The following RANBP17 variants were observed in gnomAD, a reference collection of about 807,000 sequenced individuals.
RANBP17 encodes ran-binding protein 17.
In RANBP17, 158 loss-of-function variants were observed where a neutral mutation model predicts 141.2. The ratio of observed to expected loss-of-function variants is 1.12; its 90% CI spans 0.98 to 1.28. RANBP17 has a LOEUF of 1.28. RANBP17 is among the 50% of genes most tolerant of loss of function. The pLI is 0.00. For synonymous variants in RANBP17, 430 were observed against 450.0 expected, an observed-to-expected ratio of 0.96 and a Z score of 0.56; for missense variants, 1,438 against 1,290.7, an observed-to-expected ratio of 1.11 and a Z score of -1.75.
intron 19 of RANBP17, among the ~76,000 whole-genome samples, chr5:171,200,071 C>T (rs1762214449): frequency 6.6e-6 from 1 of 152,058 alleles, no homozygotes; most frequent in Non-Finnish European, 1.5e-5. Flanking sequence ...CTTTAAACAC[C>T]CCTATTCCCT....
intron 14 of RANBP17, among the ~76,000 whole-genome samples, chr5:171,132,946 C>T (rs1441966085): frequency 1.3e-5 from 2 of 151,770 alleles, no homozygotes; most frequent in East Asian, 1.9e-4. Context: ...AGTGCAGTGG[C>T]GCGATCTCAG....
At chr5:171,171,136 G>T (rs1011681178) in intron 15 of RANBP17, 70 bp from the exon 16 acceptor site, 17 of 779,050 alleles carry the variant, frequency 2.2e-5, no homozygotes, top group Non-Finnish European at 3.4e-5. Context: ...ATAAATTTAT[G>T]TGTATTCTCT....
chr5:171,161,055 G>A (rs1314858857), intron 14 of RANBP17, among the ~76,000 whole-genome samples: 3 of 152,166 alleles, frequency 2.0e-5, no homozygotes, highest in Admixed American at 1.3e-4. Flanking sequence ...GCCTCCTAAA[G>A]TGCTGGGATT....
At chr5:171,039,971 C>T (rs996058482) in intron 14 of RANBP17, among the ~76,000 whole-genome samples, 1 of 151,996 alleles carries the variant, frequency 6.6e-6, no homozygotes, top group African/African-American at 2.4e-5. Context: ...CAAACTCTAC[C>T]GAAACTATTC....
intron 24 of RANBP17, chr5:171,253,006 A>C: frequency 8.5e-6 from 10 of 1,176,446 alleles, no homozygotes; most frequent in South Asian, 4.9e-5. Context: ...CGTGATGAAG[A>C]GATACTTTCT....
At chr5:170,949,833 CTGAA>C (rs1162979968) in intron 12 of RANBP17, among the ~76,000 whole-genome samples, 1 of 152,032 alleles carries the variant, frequency 6.6e-6, no homozygotes, top group Non-Finnish European at 1.5e-5. Flanking sequence ...CTTCCATCAA[CTGAA>C]TGGGTAAATG....
At chr5:170,878,037 GT>G in intron 1 of RANBP17, 59 bp from the exon 2 acceptor site, 1 of 1,267,202 alleles carries the variant, frequency 7.9e-7, no homozygotes, top group East Asian at 2.4e-5. Flanking sequence ...GTTTTTTGTG[GT>G]TAAATATTTA....
intron 25 of RANBP17, among the ~76,000 whole-genome samples, chr5:171,285,507 C>G (rs1195633363): frequency 6.6e-6 from 1 of 152,174 alleles, no homozygotes; most frequent in Non-Finnish European, 1.5e-5. Flanking sequence ...GACAAGTAAT[C>G]CTTAATTTTT....
intron 22 of RANBP17, among the ~76,000 whole-genome samples, chr5:171,234,999 C>G (rs1764447669): frequency 6.6e-6 from 1 of 152,164 alleles, no homozygotes; most frequent in Non-Finnish European, 1.5e-5. Flanking sequence ...GGTTTGAGCT[C>G]TGGTGCACTC....
intron 14 of RANBP17, among the ~76,000 whole-genome samples, chr5:171,145,183 G>C (rs1464945186): frequency 6.6e-6 from 1 of 152,152 alleles, no homozygotes; most frequent in African/African-American, 2.4e-5. Flanking sequence ...TAGTAAGTAA[G>C]CTTAGCAGTG....
chr5:171,185,362 A>C (rs1303403313), intron 18 of RANBP17, among the ~76,000 whole-genome samples: 1 of 152,348 alleles, frequency 6.6e-6, no homozygotes. Flanking sequence ...AATTTGCTGC[A>C]TCAATTGACT....
Position 170,924,029 on chromosome 5 carries a change from G to T in RANBP17, c.1275-328G>T, listed in dbSNP as rs116265441. ...TTTTTTTTTTTAGAGACAGAGTCTC[G>T]CCCTGTCACCCCAGCTGGAGTGCAG... On this transcript the variant is annotated intron_variant, in intron 11 of 27. Transcript: ENST00000523189. 6.2e-3 allele frequency among the ~76,000 whole-genome samples: 901 copies of T among 145,764 alleles called. 3 individuals are homozygous for T. In the Middle Eastern group the frequency reaches 0.066, roughly 11 times the overall value.
At chr5:171,161,092 G>A (rs919510118) in intron 14 of RANBP17, among the ~76,000 whole-genome samples, 1 of 152,130 alleles carries the variant, frequency 6.6e-6, no homozygotes, top group African/African-American at 2.4e-5. Flanking sequence ...GCGCCCGGCT[G>A]AGATTCTTAA....
intron 14 of RANBP17, among the ~76,000 whole-genome samples, chr5:170,988,522 AT>A (rs1222478204): frequency 6.6e-6 from 1 of 151,644 alleles, no homozygotes; most frequent in African/African-American, 2.4e-5. Context: ...TAGTTACTAA[AT>A]TTTACGACTT....
chr5:170,907,532 G>A (rs1458214844), intron 5 of RANBP17, among the ~76,000 whole-genome samples: 1 of 151,912 alleles, frequency 6.6e-6, no homozygotes, highest in Non-Finnish European at 1.5e-5. Flanking sequence ...ACAGGACTTA[G>A]TGTGTAGAAA....
intron 14 of RANBP17, among the ~76,000 whole-genome samples, chr5:170,998,078 C>T (rs1778944407): frequency 6.7e-6 from 1 of 150,052 alleles, no homozygotes; most frequent in African/African-American, 2.5e-5. Flanking sequence ...GGAGAAACCC[C>T]ATCTCTACTG....
intron 14 of RANBP17, among the ~76,000 whole-genome samples, chr5:171,104,338 G>A (rs1012299663): frequency 6.6e-6 from 1 of 152,088 alleles, no homozygotes; most frequent in African/African-American, 2.4e-5. Context: ...CGCCTGGCCT[G>A]TCCTCTTTAA....
intron 13 of RANBP17, among the ~76,000 whole-genome samples, chr5:170,963,920 AAGAC>A (rs1200717525): frequency 6.6e-6 from 1 of 152,236 alleles, no homozygotes; most frequent in African/African-American, 2.4e-5. Flanking sequence ...CAGTAATTAA[AAGAC>A]AGCCAAATAG....
chr5:171,256,419 A>G (rs937812651), intron 24 of RANBP17, among the ~76,000 whole-genome samples: 1 of 152,240 alleles, frequency 6.6e-6, no homozygotes, highest in African/African-American at 2.4e-5. Context: ...TTGTGGAAAA[A>G]AAGAAGGAAG....
Sources: allele counts gnomAD v4.1 joint callset (sites outside exome capture counted in the v4.1 genomes callset), GRCh38; gene constraint gnomAD v4.1.1; transcripts MANE v1.5; gene names NCBI Gene and HGNC (gene_info 2026-07-23, HGNC 2026-07-21).